The following USP6 variants were observed in gnomAD, a reference collection of about 807,000 sequenced individuals.
The protein encoded by USP6 is ubiquitin specific peptidase 6, also known as ubiquitin carboxyl-terminal hydrolase 6.
A neutral mutation model predicts 175.7 loss-of-function variants in USP6; 128 were observed. The ratio of observed to expected loss-of-function variants is 0.73; its 90% CI spans 0.63 to 0.84. The LOEUF (loss-of-function observed/expected upper bound fraction) is 0.84, where lower values mean the gene tolerates loss of function less well. Ranked by LOEUF, USP6 falls within the 40% of genes least tolerant of loss-of-function variation. The probability of loss-of-function intolerance (pLI) is 0.00; values close to 1 mark genes in which losing one functional copy is unlikely to be tolerated. For synonymous variants in USP6, 562 were observed against 630.6 expected (o/e 0.89, Z 1.63); for missense variants, 1,498 against 1,760.3 (o/e 0.85, Z 2.67).
intron 25 of USP6, among the ~76,000 whole-genome samples, chr17:5,143,894 C>G (rs1429118018): frequency 6.6e-6 from 1 of 152,130 alleles, no homozygotes; most frequent in East Asian, 1.9e-4. Context: ...CCACTGCACT[C>G]CAGCCTGGGC....
intron 35 of USP6, among the ~76,000 whole-genome samples, chr17:5,169,398 G>A (rs140308746): frequency 8.3e-4 from 126 of 152,104 alleles, no homozygotes; most frequent in Non-Finnish European, 1.2e-3. Context: ...ATCTTTCAGG[G>A]GGTCTAGAGG....
chr17:5,134,993 G>GAA, intron 15 of USP6: 1 of 418,658 alleles, frequency 2.4e-6, no homozygotes, highest in Non-Finnish European at 4.5e-6. Context: ...GTGTGCAAAA[G>GAA]AAAAAAAAAA....
chr17:5,126,100 G>A (rs911415741), intron 6 of USP6, among the ~76,000 whole-genome samples, 162 bp downstream of exon 6: 2 of 152,164 alleles, frequency 1.3e-5, no homozygotes, highest in African/African-American at 4.8e-5. Context: ...TAGGAGAAAC[G>A]AAGACAACTC....
Position 5,137,683 on chromosome 17 carries a change from C to T in USP6, c.858C>T (p.Asp286=), listed in dbSNP as rs1234007819. The T allele has an allele frequency of 8.5e-5, 137 of 1,607,338 alleles. No individual in the cohort carries two copies. Among genetic ancestry groups the T allele is most frequent in the Non-Finnish European group, 1.0e-4 (123 of 1,175,546 alleles). The change falls in exon 20 of 38, where the codon GAC becomes GAT. Residue 286 remains aspartate (D), a synonymous_variant. Coordinates refer to ENST00000574788, the MANE Select transcript of USP6 (RefSeq NM_001304284.2). ...TCGGGCTCACCCTGCGCCTGTGGGA[C>T]GTGTATTTGGTGGAAGGAGAACAGG... ...ISLGLTLRLW[D]VYLVEGEQVL...
chr17:5,139,991 A>C (rs2073394512), intron 22 of USP6, among the ~76,000 whole-genome samples: 1 of 152,150 alleles, frequency 6.6e-6, no homozygotes, highest in South Asian at 2.1e-4. Flanking sequence ...GCAGCTTGAA[A>C]GACATGCACA....
At chr17:5,139,218 T>A (rs764937142) in intron 21 of USP6, 37 bp from the exon 22 acceptor site, 1 of 1,598,690 alleles carries the variant, frequency 6.3e-7, no homozygotes, top group Admixed American at 1.7e-5. Context: ...CTGCATGGGC[T>A]CACTGGAGAT....
chr17:5,121,966 A>G (rs2072683310), intron 4 of USP6, among the ~76,000 whole-genome samples: 1 of 152,002 alleles, frequency 6.6e-6, no homozygotes, highest in Non-Finnish European at 1.5e-5. Flanking sequence ...GGCAATGGGG[A>G]GCCATGGAGG....
chr17:5,126,765 T>C (rs1022519944), intron 6 of USP6: 3 of 152,348 alleles, frequency 2.0e-5, no homozygotes, highest in Admixed American at 6.5e-5. Flanking sequence ...CGTGGACGGC[T>C]GGACACAGGA....
At position 5,138,288 on chromosome 17, in the gene USP6, C is replaced by T. The variant is rs754697677; in HGVS notation, c.1078+15C>T. ...GCCACCCCCAGGTGGGCTCCAGTGC[C>T]ATGTCCCCTCCCATGTCAGCCTCTG... On this transcript the variant is annotated intron_variant, in intron 21 of 37. Transcript: ENST00000574788. 12 of 1,612,672 alleles carry T rather than the reference C, an allele frequency of 7.4e-6. No individual in the cohort carries two copies. Among genetic ancestry groups the T allele is most frequent in the Non-Finnish European group, 8.5e-7 (1 of 1,179,842 alleles).
intron 25 of USP6, among the ~76,000 whole-genome samples, chr17:5,143,116 G>A (rs1195484164): frequency 3.9e-5 from 6 of 152,082 alleles, no homozygotes; most frequent in Non-Finnish European, 7.4e-5. Context: ...CAGCCGCCCC[G>A]GCCTGGAGGG....
Position 5,144,778 on chromosome 17 carries a change from A to C in USP6, c.1907A>C (p.His636Pro), listed in dbSNP as rs769718417. 3.1e-6 allele frequency: 5 copies of C among 1,613,824 alleles called. No individual in the cohort carries two copies. The highest frequency in any genetic ancestry group is 4.2e-6 in the Non-Finnish European group (5 of 1,179,816). Residue 636 changes from histidine (H) to proline (P), a missense_variant, in exon 26 of 38, where the codon CAT (histidine) becomes CCT (proline). By Grantham distance (77) the His-to-Pro change is moderately conservative. Transcript: ENST00000574788. ...CTGGCTTTTCTCTTGGATGGTCTTCATGAAGATCTCAACCGAGTCCATGAA... is the reference window on the plus strand; with the variant it reads ...CTGGCTTTTCTCTTGGATGGTCTTCCTGAAGATCTCAACCGAGTCCATGAA... ...ELLAFLLDGL[H>P]EDLNRVHEKP...
intron 31 of USP6, among the ~76,000 whole-genome samples, chr17:5,156,134 G>T (rs1298816698): frequency 2.0e-5 from 3 of 151,926 alleles, no homozygotes; most frequent in Non-Finnish European, 4.4e-5. Context: ...TCATTTTAAC[G>T]TGAAGTAATT....
chr17:5,141,273 C>T (rs1376185175), intron 22 of USP6, 152 bp from the exon 23 acceptor site: 1 of 659,958 alleles, frequency 1.5e-6, no homozygotes, highest in Non-Finnish European at 2.7e-6. Context: ...AGAATGTAAC[C>T]TCATCATTAA....
At position 5,140,479 on chromosome 17, in the gene USP6, A is replaced by G. The variant is rs369004039; in HGVS notation, c.1498+805A>G. On this transcript the variant is annotated intron_variant, in intron 22 of 37. Coordinates refer to ENST00000574788, the MANE Select transcript of USP6 (RefSeq NM_001304284.2). ...TCCCACCTAGTCAGGAGGCTGAGGCAGGAGGATTGCTGGAGCCCATGAGTT... is the reference window on the plus strand; with the variant it reads ...TCCCACCTAGTCAGGAGGCTGAGGCGGGAGGATTGCTGGAGCCCATGAGTT... Among the ~76,000 whole-genome samples the G allele has an allele frequency of 2.4e-4, 36 of 152,320 alleles. 1 individual carries two copies. Among genetic ancestry groups the G allele is most frequent in the African/African-American group, 7.0e-4 (29 of 41,578 alleles).
chr17:5,169,310 A>C (rs2074163170), intron 35 of USP6, among the ~76,000 whole-genome samples: 1 of 152,204 alleles, frequency 6.6e-6, no homozygotes, highest in South Asian at 2.1e-4. Flanking sequence ...AAAGCACTTC[A>C]CACAGTGCCT....
intron 7 of USP6, chr17:5,128,411 A>T (rs2143805164): frequency 6.6e-6 from 1 of 152,366 alleles, no homozygotes; most frequent in South Asian, 2.1e-4. Context: ...CCATTAAGTA[A>T]TAGTATTAGC....
In USP6 at chr17:5,130,469, G is replaced by A. The variant is rs2073029858; in HGVS notation, c.72+30G>A. 7 of 1,613,494 alleles carry A rather than the reference G, an allele frequency of 4.3e-6. No homozygotes were observed. In the East Asian group the frequency reaches 1.6e-4, roughly 36 times the overall value. On this transcript the variant is annotated intron_variant, in intron 10 of 37. Coordinates refer to ENST00000574788, the MANE Select transcript of USP6 (RefSeq NM_001304284.2). Reference sequence around the variant, plus strand: ...AGTTCGGTCTGCTCCTTGGAGGGAGGCCTCTTCCAGTGCGCCCTGGTCAAA... The same window carrying A: ...AGTTCGGTCTGCTCCTTGGAGGGAGACCTCTTCCAGTGCGCCCTGGTCAAA...
chr17:5,155,243 G>A (rs2073855990), intron 30 of USP6, among the ~76,000 whole-genome samples, 179 bp from the exon 31 acceptor site: 1 of 152,188 alleles, frequency 6.6e-6, no homozygotes, highest in Non-Finnish European at 1.5e-5. Context: ...CGCTTTTAAT[G>A]ACTCCACTGT....
chr17:5,154,143 CATA>C (rs2073833086), intron 30 of USP6, among the ~76,000 whole-genome samples: 1 of 152,044 alleles, frequency 6.6e-6, no homozygotes, highest in Non-Finnish European at 1.5e-5. Flanking sequence ...CTCTGGGTCT[CATA>C]ATAATAGTAA....
Sources: allele counts gnomAD v4.1 joint callset (sites outside exome capture counted in the v4.1 genomes callset), GRCh38; gene constraint gnomAD v4.1.1; transcripts MANE v1.5; gene names NCBI Gene and HGNC (gene_info 2026-07-23, HGNC 2026-07-21).